FAM107B: variants seen among roughly 807,000 people sequenced by gnomAD.
FAM107B encodes protein FAM107B.
A neutral mutation model predicts 31.5 loss-of-function variants in FAM107B; 21 were observed. That is an observed-to-expected ratio of 0.67 (90% CI 0.47 to 0.96). FAM107B has a LOEUF of 0.96. Among genes scored for constraint, FAM107B ranks in the 40% least tolerant of loss-of-function variants. FAM107B has a pLI of 0.00. For synonymous variants in FAM107B, 157 were observed against 141.5 expected, an observed-to-expected ratio of 1.11 and a Z score of -0.78; for missense variants, 452 against 377.1, an observed-to-expected ratio of 1.20 and a Z score of -1.64.
intron 2 of FAM107B, among the ~76,000 whole-genome samples, chr10:14,571,210 G>A (rs1375917287): frequency 1.3e-5 from 2 of 151,996 alleles, no homozygotes; most frequent in Non-Finnish European, 2.9e-5. Flanking sequence ...CCATTCTCAG[G>A]ACTCCCCAAG....
intron 2 of FAM107B, among the ~76,000 whole-genome samples, chr10:14,606,170 C>T (rs1052462277): frequency 2.0e-5 from 3 of 152,106 alleles, no homozygotes; most frequent in Non-Finnish European, 2.9e-5. Flanking sequence ...TGCTAAGTGG[C>T]CCTGCTCTGT....
chr10:14,669,920 G>A (rs1268365305), intron 1 of FAM107B, among the ~76,000 whole-genome samples: 1 of 152,146 alleles, frequency 6.6e-6, no homozygotes, highest in Admixed American at 6.5e-5. Context: ...GTAGCTAGAA[G>A]AGAGAACTTG....
At chr10:14,631,060 A>C (rs1853342228) in intron 2 of FAM107B, among the ~76,000 whole-genome samples, 1 of 152,208 alleles carries the variant, frequency 6.6e-6, no homozygotes, top group African/African-American at 2.4e-5. Context: ...TTTGTCATCT[A>C]AACCCTGCCT....
At chr10:14,570,926 T>C (rs1851167934) in intron 2 of FAM107B, among the ~76,000 whole-genome samples, 1 of 151,940 alleles carries the variant, frequency 6.6e-6, no homozygotes, top group Non-Finnish European at 1.5e-5. Context: ...CAGAATGCTT[T>C]CAAATCAAGT....
At chr10:14,610,156 A>G (rs1425887989) in intron 2 of FAM107B, among the ~76,000 whole-genome samples, 1 of 152,212 alleles carries the variant, frequency 6.6e-6, no homozygotes, top group African/African-American at 2.4e-5. Context: ...ATCCTGGCTA[A>G]CACGGTGAAA....
intron 2 of FAM107B, among the ~76,000 whole-genome samples, chr10:14,545,610 C>A (rs1367742592): frequency 1.3e-5 from 2 of 152,216 alleles, no homozygotes; most frequent in African/African-American, 4.8e-5. Flanking sequence ...GTGGCAATCC[C>A]ATGCACAGCT....
At chr10:14,656,683 C>T (rs1854065552) in intron 2 of FAM107B, among the ~76,000 whole-genome samples, 1 of 152,204 alleles carries the variant, frequency 6.6e-6, no homozygotes, top group Non-Finnish European at 1.5e-5. Flanking sequence ...CAGAATTCCT[C>T]CTTCTCTAAG....
chr10:14,656,054 G>A (rs990884302), intron 2 of FAM107B, among the ~76,000 whole-genome samples: 12 of 152,118 alleles, frequency 7.9e-5, no homozygotes, highest in African/African-American at 2.4e-4. Context: ...CCTCCCCATC[G>A]CTGATATAAA....
chr10:14,556,172 A>G (rs1564562256), intron 2 of FAM107B: 1 of 174,354 alleles, frequency 5.7e-6, no homozygotes, highest in African/African-American at 2.4e-5. Context: ...CCTTCTCAAT[A>G]CTCGATATAC....
chr10:14,687,053 G>A (rs1201719574), intron 1 of FAM107B, among the ~76,000 whole-genome samples: 3 of 152,244 alleles, frequency 2.0e-5, no homozygotes, highest in African/African-American at 7.2e-5. Context: ...CAGAGATGCT[G>A]AACGATTTCC....
intron 2 of FAM107B, among the ~76,000 whole-genome samples, chr10:14,579,625 A>C (rs1374286531): frequency 1.3e-5 from 2 of 152,238 alleles, no homozygotes; most frequent in Non-Finnish European, 2.9e-5. Flanking sequence ...AAAAGCACAC[A>C]AGGGCAACAG....
At chr10:14,542,325 G>A (rs1848294389) in intron 2 of FAM107B, among the ~76,000 whole-genome samples, 2 of 150,862 alleles carry the variant, frequency 1.3e-5, no homozygotes, top group Admixed American at 6.6e-5. Context: ...GCGGTTTAGA[G>A]TACCCAAATG....
intron 2 of FAM107B, among the ~76,000 whole-genome samples, chr10:14,598,779 C>G (rs1376122942): frequency 6.6e-6 from 1 of 152,174 alleles, no homozygotes; most frequent in Non-Finnish European, 1.5e-5. Context: ...CATAAACACC[C>G]CTCATTTGCC....
intron 3 of FAM107B, chr10:14,527,797 T>A: frequency 4.9e-6 from 1 of 203,948 alleles, no homozygotes; most frequent in Non-Finnish European, 1.0e-5. Context: ...TGATGTGATG[T>A]ATCCTATAGT....
chr10:14,631,845 G>A (rs1002155849), intron 2 of FAM107B, among the ~76,000 whole-genome samples: 1 of 152,118 alleles, frequency 6.6e-6, no homozygotes, highest in Admixed American at 6.5e-5. Flanking sequence ...GTGACCCTCT[G>A]TCACCAAATG....
At chr10:14,613,064 C>G (rs1198396448) in intron 2 of FAM107B, among the ~76,000 whole-genome samples, 2 of 152,080 alleles carry the variant, frequency 1.3e-5, no homozygotes, top group Non-Finnish European at 1.5e-5. Flanking sequence ...CTCCACCTCC[C>G]AGGTTCAAGC....
chr10:14,629,127 T>A (rs1853250747), intron 2 of FAM107B, among the ~76,000 whole-genome samples: 1 of 147,012 alleles, frequency 6.8e-6, no homozygotes, highest in African/African-American at 2.5e-5. Flanking sequence ...CAATTTAAGA[T>A]GTTTAAAGGA....
chr10:14,554,067 G>A (rs1458242730), intron 2 of FAM107B: 1 of 976,970 alleles, frequency 1.0e-6, no homozygotes, highest in African/African-American at 1.7e-5. Flanking sequence ...CCACACATAT[G>A]TCATATATAA....
At chr10:14,626,457 A>G (rs1180558553) in intron 2 of FAM107B, among the ~76,000 whole-genome samples, 1 of 147,772 alleles carries the variant, frequency 6.8e-6, no homozygotes, top group Non-Finnish European at 1.5e-5. Context: ...TTATCACAGG[A>G]CCTGACTTTC....
Sources: allele counts gnomAD v4.1 joint callset (sites outside exome capture counted in the v4.1 genomes callset), GRCh38; gene constraint gnomAD v4.1.1; transcripts MANE v1.5; gene names NCBI Gene and HGNC (gene_info 2026-07-23, HGNC 2026-07-21).